Variants in EYS observed in about 807,000 individuals in gnomAD.
EYS encodes the protein protein eyes shut homolog.
Under a neutral mutation model 282.1 loss-of-function variants are expected in EYS, and 250 were observed. The observed-to-expected ratio is 0.89, with a 90% CI of 0.80 to 0.98. EYS has a LOEUF of 0.98. EYS is among the 50% of genes least tolerant of loss of function. The pLI is 0.00. For synonymous variants in EYS, 1,355 were observed against 1,282.9 expected (o/e 1.06, Z -1.20); for missense variants, 4,016 against 3,709.0 (o/e 1.08, Z -2.15).
intron 14 of EYS, among the ~76,000 whole-genome samples, chr6:64,969,941 A>T (rs1370506809): frequency 6.6e-6 from 1 of 152,196 alleles, no homozygotes; most frequent in Non-Finnish European, 1.5e-5. Flanking sequence ...TTAGATTGTC[A>T]TACCAATGAT....
intron 31 of EYS, among the ~76,000 whole-genome samples, chr6:64,205,926 C>T (rs1339662095): frequency 1.3e-5 from 2 of 151,922 alleles, no homozygotes; most frequent in African/African-American, 4.8e-5. Context: ...TTACCAGTTG[C>T]TTACTCAAAG....
intron 31 of EYS, among the ~76,000 whole-genome samples, chr6:64,157,782 T>C (rs964266285): frequency 6.6e-6 from 1 of 152,208 alleles, no homozygotes. Flanking sequence ...AATGCCTGGA[T>C]GCCCAGGCAG....
At chr6:65,672,546 C>T (rs1768425793) in intron 1 of EYS, among the ~76,000 whole-genome samples, 2 of 151,984 alleles carry the variant, frequency 1.3e-5, no homozygotes, top group Admixed American at 6.6e-5. Flanking sequence ...ATGCATAGAT[C>T]CCAACAAAAA....
chr6:65,041,065 TAC>T (rs1364581020), intron 13 of EYS, among the ~76,000 whole-genome samples: 1 of 151,736 alleles, frequency 6.6e-6, no homozygotes, highest in Non-Finnish European at 1.5e-5. Flanking sequence ...CACTTTTGGG[TAC>T]AGTTTTTCTT....
chr6:64,729,764 A>C (rs73442667), intron 22 of EYS, among the ~76,000 whole-genome samples: 1 of 152,158 alleles, frequency 6.6e-6, no homozygotes. Flanking sequence ...TTTTTTTTAC[A>C]CAATGTTATT....
chr6:65,465,239 G>A (rs977772731), intron 5 of EYS, among the ~76,000 whole-genome samples: 4 of 152,062 alleles, frequency 2.6e-5, no homozygotes, highest in African/African-American at 9.7e-5. Flanking sequence ...TGAAGAGGGA[G>A]GATCACATGA....
intron 5 of EYS, among the ~76,000 whole-genome samples, chr6:65,406,108 T>C (rs1766726924): frequency 6.6e-6 from 1 of 152,112 alleles, no homozygotes; most frequent in South Asian, 2.1e-4. Context: ...TTTATTATAG[T>C]CATTCTAGTA....
chr6:65,424,431 T>C (rs1358886299), intron 5 of EYS, among the ~76,000 whole-genome samples: 2 of 152,006 alleles, frequency 1.3e-5, no homozygotes, highest in Non-Finnish European at 2.9e-5. Context: ...TAATGCTTCC[T>C]TTGTTACTTC....
intron 24 of EYS, among the ~76,000 whole-genome samples, chr6:64,607,564 C>A (rs1766975716): frequency 6.6e-6 from 1 of 152,054 alleles, no homozygotes; most frequent in South Asian, 2.1e-4. Context: ...ACCCTCATGA[C>A]TGAATCACCT....
At chr6:64,792,145 C>T (rs1774210430) in intron 22 of EYS, among the ~76,000 whole-genome samples, 1 of 151,790 alleles carries the variant, frequency 6.6e-6, no homozygotes, top group Non-Finnish European at 1.5e-5. Context: ...TTTATTCATC[C>T]ATTATGGTAT....
intron 8 of EYS, among the ~76,000 whole-genome samples, chr6:65,371,791 G>C (rs1197241545): frequency 2.0e-5 from 3 of 149,620 alleles, no homozygotes; most frequent in Admixed American, 6.7e-5. Context: ...TGGGGGAAGT[G>C]GGGACAAGGA....
chr6:64,456,925 C>T (rs1179959604), intron 26 of EYS, among the ~76,000 whole-genome samples: 1 of 151,956 alleles, frequency 6.6e-6, no homozygotes, highest in Non-Finnish European at 1.5e-5. Flanking sequence ...CTTTTACATA[C>T]ATTACCTAAT....
At chr6:64,040,892 T>G (rs947499681) in intron 33 of EYS, among the ~76,000 whole-genome samples, 4 of 152,208 alleles carry the variant, frequency 2.6e-5, no homozygotes, top group Non-Finnish European at 5.9e-5. Flanking sequence ...TTAAGGGCAC[T>G]GGTATAAGGG....
intron 31 of EYS, among the ~76,000 whole-genome samples, chr6:64,107,072 C>T (rs546409469): frequency 3.5e-4 from 53 of 150,874 alleles, no homozygotes; most frequent in African/African-American, 1.2e-3. Context: ...TCTGTTCTTG[C>T]AAATTGTCGA....
At chr6:64,835,787 T>C (rs1000908971) in intron 19 of EYS, among the ~76,000 whole-genome samples, 1 of 151,658 alleles carries the variant, frequency 6.6e-6, no homozygotes. Context: ...ATTTAAACTT[T>C]ATTCTATAAA....
intron 13 of EYS, among the ~76,000 whole-genome samples, chr6:65,024,546 C>T (rs1469140102): frequency 1.3e-5 from 2 of 152,080 alleles, no homozygotes; most frequent in Non-Finnish European, 2.9e-5. Context: ...TCATGCGTCA[C>T]GAATGTGGTT....
At chr6:65,412,152 C>A (rs1377859716) in intron 5 of EYS, among the ~76,000 whole-genome samples, 1 of 152,086 alleles carries the variant, frequency 6.6e-6, no homozygotes, top group Non-Finnish European at 1.5e-5. Context: ...CATTGACAAA[C>A]CATGAAGTGT....
chr6:64,149,589 G>C (rs897341834), intron 31 of EYS, among the ~76,000 whole-genome samples: 1 of 152,170 alleles, frequency 6.6e-6, no homozygotes, highest in Non-Finnish European at 1.5e-5. Flanking sequence ...GGACTAACAC[G>C]TGATAGACAC....
At chr6:65,148,518 C>T (rs534289885) in intron 12 of EYS, among the ~76,000 whole-genome samples, 2 of 152,228 alleles carry the variant, frequency 1.3e-5, no homozygotes, top group African/African-American at 2.4e-5. Context: ...GGGTACCGTG[C>T]CCCTCCTGGC....
Sources: gnomAD v4.1 joint callset for allele counts (sites outside exome capture counted in the v4.1 genomes callset) on GRCh38, gnomAD v4.1.1 for gene constraint, MANE v1.5 for transcripts, NCBI Gene and HGNC (gene_info 2026-07-23, HGNC 2026-07-21) for gene names.